The following SLC43A2 variants were observed in gnomAD, a reference collection of about 807,000 sequenced individuals.
The protein encoded by SLC43A2 is solute carrier family 43 member 2.
SLC43A2 carries 38 observed loss-of-function variants against 63.2 expected under a neutral mutation model. The observed-to-expected ratio is 0.60, with a 90% CI of 0.46 to 0.79. SLC43A2 has a LOEUF of 0.79. Ranked by LOEUF, SLC43A2 falls within the 30% of genes least tolerant of loss-of-function variation. The probability of loss-of-function intolerance (pLI) is 0.00; values close to 1 mark genes in which losing one functional copy is unlikely to be tolerated. For missense variants in SLC43A2, 644 were observed against 756.2 expected, an observed-to-expected ratio of 0.85 and a Z score of 1.74; for synonymous variants, 322 against 331.0, an observed-to-expected ratio of 0.97 and a Z score of 0.30.
At chr17:1,596,021 T>A (rs577500196) in intron 5 of SLC43A2, among the ~76,000 whole-genome samples, 1 of 152,136 alleles carries the variant, frequency 6.6e-6, no homozygotes, top group African/African-American at 2.4e-5. Flanking sequence ...AAGGATGGCA[T>A]CAAGAAAGTG....
At chr17:1,598,313 G>C (rs917573168) in intron 5 of SLC43A2, among the ~76,000 whole-genome samples, 1 of 151,936 alleles carries the variant, frequency 6.6e-6, no homozygotes, top group African/African-American at 2.4e-5. Context: ...CCCAGCTACT[G>C]GGGAAGAGGC....
Position 1,570,651 on chromosome 17 carries a change from T to C in SLC43A2, c.*4953A>G, listed in dbSNP as rs1401022744. 2 of 150,796 alleles carry C rather than the reference T, an allele frequency of 1.3e-5. No homozygotes were observed. Among genetic ancestry groups the C allele is most frequent in the South Asian group, 2.1e-4 (1 of 4,704 alleles). 9.3% of individuals were successfully genotyped at this position (150,796 alleles called of 1,614,324 possible). A position where few individuals can be genotyped will look rare whatever the true frequency, so the allele number is the denominator to read the frequency against. ...ACAGGCGCCCGCCACTACGCCCGGC[T>C]AATTTTTTGTATTTTTAGTAGAGAC... On this transcript the variant is annotated 3_prime_UTR_variant, in exon 14 of 14. Coordinates refer to ENST00000301335, the MANE Select transcript of SLC43A2 (RefSeq NM_152346.3).
intron 11 of SLC43A2, among the ~76,000 whole-genome samples, chr17:1,581,494 A>G (rs1320796988): frequency 6.6e-6 from 1 of 152,186 alleles, no homozygotes; most frequent in Non-Finnish European, 1.5e-5. Flanking sequence ...CGTACACACA[A>G]CAGTTCCCAC....
chr17:1,615,705 T>A (rs1160934602), intron 3 of SLC43A2, among the ~76,000 whole-genome samples: 3 of 148,154 alleles, frequency 2.0e-5, no homozygotes, highest in South Asian at 4.4e-4. Context: ...TAGCCGGGCG[T>A]GGTGGCAGGC....
intron 2 of SLC43A2, among the ~76,000 whole-genome samples, chr17:1,624,802 C>G (rs376728347): frequency 6.6e-6 from 1 of 151,958 alleles, no homozygotes; most frequent in Non-Finnish European, 1.5e-5. Flanking sequence ...GAGGCTGAGG[C>G]GGGAGGATTG....
rs984278654 is a variant in SLC43A2 at position 1,587,728 on chromosome 17, G to A, written c.1079-1677C>T. On this transcript the variant is annotated intron_variant, in intron 9 of 13. Coordinates refer to ENST00000301335, the MANE Select transcript of SLC43A2 (RefSeq NM_152346.3). ...GATAGTATCTATCATAAATGATGAC[G>A]TAAACAGATGATAGTATCTATTTAA... is the stretch of plus-strand genomic sequence containing the variant. Among the ~76,000 whole-genome samples the A allele has an allele frequency of 4.6e-5, 7 of 152,094 alleles. 1 individual carries two copies. Among genetic ancestry groups the A allele is most frequent in the South Asian group, 4.2e-4 (2 of 4,816 alleles).
chr17:1,593,870 G>T lies in SLC43A2; in HGVS notation c.502-591C>A, dbSNP rs919026061. On this transcript the variant is annotated intron_variant, in intron 5 of 13. Transcript: ENST00000301335. The surrounding 1 kb of genome is among the most constrained non-coding windows in gnomAD (Gnocchi z 5.3). ...TTTCTTTGTTTTGAGATGGGGTTTTGCTCTTGTTCCCCAGGCTGGAGCGCA... is the reference window on the plus strand; with the variant it reads ...TTTCTTTGTTTTGAGATGGGGTTTTTCTCTTGTTCCCCAGGCTGGAGCGCA... Among the ~76,000 whole-genome samples, 2 of 152,004 alleles carry T rather than the reference G, an allele frequency of 1.3e-5. No individual in the cohort carries two copies. The highest frequency in any genetic ancestry group is 4.8e-5 in the African/African-American group (2 of 41,388).
intron 5 of SLC43A2, among the ~76,000 whole-genome samples, chr17:1,600,955 G>C (rs1157782487): frequency 6.6e-6 from 1 of 151,500 alleles, no homozygotes; most frequent in African/African-American, 2.4e-5. Flanking sequence ...ATTTTACCTA[G>C]AGATACCGAA....
At chr17:1,615,616 GGC>G in intron 3 of SLC43A2, among the ~76,000 whole-genome samples, 1 of 150,500 alleles carries the variant, frequency 6.6e-6, no homozygotes, top group African/African-American at 2.4e-5. Context: ...GGCCGAGGCG[GGC>G]AGATCACAAG....
At chr17:1,599,649 A>T (rs1201687762) in intron 5 of SLC43A2, among the ~76,000 whole-genome samples, 3 of 150,074 alleles carry the variant, frequency 2.0e-5, no homozygotes, top group Non-Finnish European at 1.5e-5. Context: ...TGCAGTGAGC[A>T]GAGACTGAGC....
chr17:1,586,928 T>C (rs1598443380), intron 9 of SLC43A2: 433 of 1,230,290 alleles, frequency 3.5e-4, no homozygotes, highest in Non-Finnish European at 4.4e-4. Context: ...TCCCTGACAA[T>C]CCCCCCCACC....
rs1021654916 is a variant in SLC43A2, at chr17:1,593,060, C to T, written c.594+127G>A. On this transcript the variant is annotated intron_variant, in intron 6 of 13. Coordinates refer to ENST00000301335, the MANE Select transcript of SLC43A2 (RefSeq NM_152346.3). This position sits in a 1 kb window ranked among gnomAD's most constrained non-coding sequence, Gnocchi z 5.3. ...CGCCCCTGTGATGCCCAGGTGCATC[C>T]TGCCCGGGTGGGGGTGGTGGAGAGG... 6 of 832,984 alleles carry T rather than the reference C, an allele frequency of 7.2e-6. No homozygotes were observed. Among genetic ancestry groups the T allele is most frequent in the Non-Finnish European group, 9.8e-6 (5 of 511,630 alleles). The allele number at this position is 832,984 out of a possible 1,614,324, so 51.6% of individuals were successfully genotyped here.
At chr17:1,599,708 C>CA (rs1049056930) in intron 5 of SLC43A2, among the ~76,000 whole-genome samples, 3 of 147,122 alleles carry the variant, frequency 2.0e-5, no homozygotes, top group Non-Finnish European at 4.5e-5. Context: ...CTCAAAAAAA[C>CA]AAAAAACTTT....
chr17:1,615,138 T>C, intron 3 of SLC43A2, 104 bp from the exon 4 acceptor site: 2 of 1,359,690 alleles, frequency 1.5e-6, no homozygotes, highest in Non-Finnish European at 2.1e-6. Context: ...GACAGAGCCT[T>C]GCTCTGTCAC....
At position 1,571,717 on chromosome 17, in the gene SLC43A2, A is replaced by C. The variant is rs1176199636; in HGVS notation, c.*3887T>G. 1 of 152,344 alleles carries C rather than the reference A, an allele frequency of 6.6e-6. No homozygotes were observed. Among genetic ancestry groups the C allele is most frequent in the Non-Finnish European group, 1.5e-5 (1 of 68,144 alleles). The allele number at this position is 152,344 out of a possible 1,614,324, so 9.4% of individuals were successfully genotyped here. A position where few individuals can be genotyped will look rare whatever the true frequency, so the allele number is the denominator to read the frequency against. On this transcript the variant is annotated 3_prime_UTR_variant, in exon 14 of 14. Coordinates refer to ENST00000301335, the MANE Select transcript of SLC43A2 (RefSeq NM_152346.3). The surrounding 1 kb of genome is among the most constrained non-coding windows in gnomAD (Gnocchi z 5.2). Reference sequence around the variant, plus strand: ...AGAGGGGACGGGGATGGAGCAAAACAGAAAGGATCCACCAGGGCCTGCAAC... The same window carrying C: ...AGAGGGGACGGGGATGGAGCAAAACCGAAAGGATCCACCAGGGCCTGCAAC...
At chr17:1,613,585 C>T (rs1352287941) in intron 4 of SLC43A2, among the ~76,000 whole-genome samples, 10 of 152,126 alleles carry the variant, frequency 6.6e-5, no homozygotes, top group South Asian at 2.1e-4. Flanking sequence ...CCCAAGTAGC[C>T]GGGATTACAG....
intron 2 of SLC43A2, among the ~76,000 whole-genome samples, chr17:1,622,932 A>AAAATAC (rs1231185255): frequency 6.6e-6 from 1 of 150,978 alleles, no homozygotes; most frequent in Non-Finnish European, 1.5e-5. Context: ...AAAATAAAAT[A>AAAATAC]AAATACAAAT....
At chr17:1,627,675 AGCTCC>A in intron 2 of SLC43A2, 35 bp downstream of exon 2, 1 of 564,644 alleles carries the variant, frequency 1.8e-6, no homozygotes, top group Non-Finnish European at 2.3e-6. Context: ...CCAAAGCCCC[AGCTCC>A]AGGAGCCCCC....
intron 3 of SLC43A2, among the ~76,000 whole-genome samples, chr17:1,615,655 A>AAC (rs779644357): frequency 6.7e-6 from 1 of 149,918 alleles, no homozygotes; most frequent in Non-Finnish European, 1.5e-5. Context: ...CATCCTGGCT[A>AAC]ACACAGTGAA....
Sources: gnomAD v4.1 joint callset for allele counts (sites outside exome capture counted in the v4.1 genomes callset) on GRCh38, gnomAD v4.1.1 for gene constraint, Gnocchi (gnomAD v3.1) non-coding constraint, MANE v1.5 for transcripts, NCBI Gene and HGNC (gene_info 2026-07-23, HGNC 2026-07-21) for gene names.